Variants in CD2AP observed in about 807,000 individuals in gnomAD.
The protein encoded by CD2AP is CD2 associated protein.
CD2AP carries 46 observed loss-of-function variants against 85.1 expected under a neutral mutation model. That is an observed-to-expected ratio of 0.54 (90% CI 0.43 to 0.69). The LOEUF is 0.69. CD2AP is among the 30% of genes least tolerant of loss of function. The pLI is 0.00. For synonymous variants in CD2AP, 255 were observed against 252.9 expected, an observed-to-expected ratio of 1.01 and a Z score of -0.08; for missense variants, 769 against 729.5, an observed-to-expected ratio of 1.05 and a Z score of -0.62.
At chr6:47,568,239 G>A (rs1422811795) in intron 5 of CD2AP, among the ~76,000 whole-genome samples, 10 of 152,244 alleles carry the variant, frequency 6.6e-5, no homozygotes, top group African/African-American at 2.4e-4. Context: ...CTAATTGGTA[G>A]GTTAATTATT....
At chr6:47,505,011 C>CTTTTTTTTTTTTT (rs58060161) in intron 2 of CD2AP, among the ~76,000 whole-genome samples, 5 of 95,136 alleles carry the variant, frequency 5.3e-5, no homozygotes, top group African/African-American at 1.3e-4. Flanking sequence ...GTGGCAGTTT[C>CTTTTTTTTTTTTT]TTTTTTTTTT....
chr6:47,618,239 G>C (rs1948046), intron 17 of CD2AP, among the ~76,000 whole-genome samples: 91,868 of 151,934 alleles, frequency 0.6, 28,580 homozygotes, highest in Middle Eastern at 0.74. Context: ...AGAATCACTT[G>C]AACCCAGGAG....
intron 17 of CD2AP, among the ~76,000 whole-genome samples, chr6:47,614,868 C>T (rs901183570): frequency 6.6e-6 from 1 of 152,216 alleles, no homozygotes; most frequent in Non-Finnish European, 1.5e-5. Flanking sequence ...GCTGTAGATT[C>T]ACTGCCTCCC....
chr6:47,613,881 C>T (rs1488659310), intron 17 of CD2AP, among the ~76,000 whole-genome samples: 1 of 152,216 alleles, frequency 6.6e-6, no homozygotes. Flanking sequence ...TTCTGGATAA[C>T]TTGCTGCAGC....
intron 5 of CD2AP, among the ~76,000 whole-genome samples, 198 bp downstream of exon 5, chr6:47,554,964 C>T (rs916837766): frequency 6.6e-6 from 1 of 152,066 alleles, no homozygotes; most frequent in African/African-American, 2.4e-5. Context: ...ATTTTTCTTT[C>T]TCTGATTTCT....
rs1769930624 is a variant in CD2AP, at chr6:47,627,189, T to A, written c.*2962T>A. ...TTTGTTAACTTTAGCATTTGTGTATTTCAGAGTATGATGAAAATTATATTA... is the reference window on the plus strand; with the variant it reads ...TTTGTTAACTTTAGCATTTGTGTATATCAGAGTATGATGAAAATTATATTA... On this transcript the variant is annotated 3_prime_UTR_variant, in exon 18 of 18. Transcript: ENST00000359314. 1 of 152,494 alleles carries A rather than the reference T, an allele frequency of 6.6e-6. No individual in the cohort carries two copies. Among genetic ancestry groups the A allele is most frequent in the Admixed American group, 6.6e-5 (1 of 15,256 alleles). 9.4% of individuals were successfully genotyped at this position (152,494 alleles called of 1,614,324 possible). A position where few individuals can be genotyped will look rare whatever the true frequency, so the allele number is the denominator to read the frequency against.
intron 4 of CD2AP, among the ~76,000 whole-genome samples, chr6:47,549,938 A>C (rs1453292168): frequency 6.6e-6 from 1 of 152,168 alleles, no homozygotes; most frequent in Non-Finnish European, 1.5e-5. Flanking sequence ...TCGACAAAGC[A>C]AACAAAAACA....
At chr6:47,567,149 A>C (rs1768026033) in intron 5 of CD2AP, among the ~76,000 whole-genome samples, 1 of 150,370 alleles carries the variant, frequency 6.7e-6, no homozygotes, top group Non-Finnish European at 1.5e-5. Context: ...GTGGTTTTTC[A>C]CTATTGTAGT....
intron 10 of CD2AP, 101 bp from the exon 11 acceptor site, chr6:47,581,902 T>G (rs187630934): frequency 1.5e-5 from 12 of 792,354 alleles, no homozygotes; most frequent in Non-Finnish European, 2.7e-5. Flanking sequence ...CATGGTTTCA[T>G]CTGATGTTAT....
intron 1 of CD2AP, among the ~76,000 whole-genome samples, chr6:47,481,276 G>A (rs1340757000): frequency 6.6e-6 from 1 of 152,066 alleles, no homozygotes; most frequent in African/African-American, 2.4e-5. Flanking sequence ...TAGATAAGGC[G>A]GTGAACTTTT....
chr6:47,530,919 G>A (rs1186348732), intron 2 of CD2AP, among the ~76,000 whole-genome samples: 1 of 152,078 alleles, frequency 6.6e-6, no homozygotes, highest in Admixed American at 6.5e-5. Flanking sequence ...TATTTACAAG[G>A]TAATAGCTTT....
At chr6:47,487,504 C>T (rs1317294492) in intron 1 of CD2AP, among the ~76,000 whole-genome samples, 2 of 152,142 alleles carry the variant, frequency 1.3e-5, no homozygotes, top group Non-Finnish European at 2.9e-5. Flanking sequence ...TCCTGGCTAA[C>T]ACGGAGAAAC....
intron 2 of CD2AP, among the ~76,000 whole-genome samples, chr6:47,505,749 C>T (rs1320027510): frequency 1.4e-4 from 9 of 66,448 alleles, no homozygotes; most frequent in Admixed American, 2.3e-4. Context: ...TAGGGGCGGC[C>T]GGGCAGAGGC....
At chr6:47,524,304 G>A (rs1196374669) in intron 2 of CD2AP, among the ~76,000 whole-genome samples, 1 of 152,152 alleles carries the variant, frequency 6.6e-6, no homozygotes, top group Non-Finnish European at 1.5e-5. Flanking sequence ...CTTGGACCCA[G>A]CACGACTTGC....
chr6:47,549,085 C>G (rs1345796957), intron 4 of CD2AP, among the ~76,000 whole-genome samples: 1 of 152,122 alleles, frequency 6.6e-6, no homozygotes, highest in Non-Finnish European at 1.5e-5. Context: ...TGCAAAACCA[C>G]AGCCAACATA....
Position 47,489,487 on chromosome 6 carries a change from GT to G in CD2AP, c.4+11245del, listed in dbSNP as rs575285884. On this transcript the variant is annotated intron_variant, in intron 1 of 17. Transcript: ENST00000359314. The stretch of plus-strand genomic sequence containing the variant: ...CACCGTGCCCGGCTGCACTCGACTA[GT>G]TTTTTAAAAAATAAAGGTCTGTTTG... 4.1e-3 allele frequency among the ~76,000 whole-genome samples: 619 copies of G among 152,058 alleles called. 2 individuals carry two copies. The highest frequency in any genetic ancestry group is 0.014 in the African/African-American group (566 of 41,494).
At chr6:47,499,512 C>T (rs1010959601) in intron 1 of CD2AP, among the ~76,000 whole-genome samples, 1 of 152,100 alleles carries the variant, frequency 6.6e-6, no homozygotes, top group African/African-American at 2.4e-5. Context: ...AACTTGGCTT[C>T]CATTATCCTT....
At chr6:47,548,055 T>C (rs1208414564) in intron 4 of CD2AP, among the ~76,000 whole-genome samples, 2 of 152,122 alleles carry the variant, frequency 1.3e-5, no homozygotes, top group Non-Finnish European at 2.9e-5. Flanking sequence ...ACCTAACTTT[T>C]AACTTAAAAG....
At chr6:47,561,827 C>G (rs756832328) in intron 5 of CD2AP, among the ~76,000 whole-genome samples, 40 of 152,158 alleles carry the variant, frequency 2.6e-4, no homozygotes, top group Admixed American at 1.3e-3. Context: ...GTCACACAGG[C>G]TGGAGTGCAG....
Sources: gnomAD v4.1 joint callset for allele counts (sites outside exome capture counted in the v4.1 genomes callset) on GRCh38, gnomAD v4.1.1 for gene constraint, MANE v1.5 for transcripts, NCBI Gene and HGNC (gene_info 2026-07-23, HGNC 2026-07-21) for gene names.